The following PCDHA6 variants were observed in gnomAD, a reference collection of about 807,000 sequenced individuals.
PCDHA6 encodes the protein protocadherin alpha-6.
In PCDHA6, 55 loss-of-function variants were observed where a neutral mutation model predicts 60.3. The observed-to-expected ratio is 0.91, with a 90% CI of 0.73 to 1.14. The LOEUF (loss-of-function observed/expected upper bound fraction) is 1.14. Among genes scored for constraint, PCDHA6 ranks in the 50% most tolerant of loss-of-function variants. The pLI is 0.00. For synonymous variants in PCDHA6, 652 were observed against 557.9 expected, an observed-to-expected ratio of 1.17 and a Z score of -2.38; for missense variants, 1,327 against 1,256.5, an observed-to-expected ratio of 1.06 and a Z score of -0.85.
intron 1 of PCDHA6, chr5:140,877,683 C>T: frequency 6.2e-7 from 1 of 1,613,716 alleles, no homozygotes. Flanking sequence ...CGGGCAAGCC[C>T]ACGCTGGTGT....
intron 1 of PCDHA6, chr5:140,830,716 A>G (rs1437776192): frequency 8.4e-6 from 2 of 237,240 alleles, no homozygotes; most frequent in Non-Finnish European, 1.6e-5. Flanking sequence ...TTGTCTTCAA[A>G]CCAAAATATT....
Position 140,838,737 on chromosome 5 carries a change from A to G in PCDHA6, c.2394+8252A>G, listed in dbSNP as rs2150292002. The stretch of plus-strand genomic sequence containing the variant: ...GATTGCTTCAGTCTAGTAGTTTGAG[A>G]CCAGCTTGTGCATCTTTTGTAGAGA... On this transcript the variant is annotated intron_variant, in intron 1 of 3. Coordinates refer to ENST00000529310, the MANE Select transcript of PCDHA6 (RefSeq NM_018909.4). Among the ~76,000 whole-genome samples, 22 of 152,120 alleles carry G rather than the reference A, an allele frequency of 1.4e-4. 1 individual carries two copies. Among genetic ancestry groups the G allele is most frequent in the African/African-American group, 5.3e-4 (22 of 41,484 alleles).
At chr5:140,834,972 C>T (rs1275898995) in intron 1 of PCDHA6, 3 of 1,500,634 alleles carry the variant, frequency 2.0e-6, no homozygotes, top group East Asian at 4.8e-5. Context: ...ACTTGTATTA[C>T]GGAAACTTTT....
chr5:140,883,393 C>G, intron 1 of PCDHA6: 1 of 1,614,160 alleles, frequency 6.2e-7, no homozygotes, highest in South Asian at 1.1e-5. Context: ...TCAGTGTGTC[C>G]GATCGTGACT....
At chr5:140,883,138 A>G (rs967946520) in intron 1 of PCDHA6, 3 of 1,614,120 alleles carry the variant, frequency 1.9e-6, no homozygotes, top group Non-Finnish European at 2.5e-6. Flanking sequence ...CTGCAGTGGT[A>G]TATGCATTTA....
chr5:140,862,809 G>C (rs782185253), intron 1 of PCDHA6: 2 of 572,722 alleles, frequency 3.5e-6, no homozygotes, highest in South Asian at 1.4e-5. Context: ...AGCTGCTGCA[G>C]TTCTAGGTGA....
At chr5:140,951,407 A>C (rs115221257) in intron 1 of PCDHA6, among the ~76,000 whole-genome samples, 1 of 152,068 alleles carries the variant, frequency 6.6e-6, no homozygotes, top group Admixed American at 6.6e-5. Flanking sequence ...AAAGAGGTTT[A>C]ATTGGCTCAC....
At position 140,829,189 on chromosome 5, in the gene PCDHA6, T is replaced by C; in HGVS notation, c.1098T>C (p.Gly366=). 6.2e-7 allele frequency: 1 copy of C among 1,614,208 alleles called. No homozygotes were observed. Among genetic ancestry groups the C allele is most frequent in the Non-Finnish European group, 8.5e-7 (1 of 1,180,026 alleles). ...SLPVREDAQF[G]TVIALISVND... ...CTGTACGTGAAGACGCTCAATTTGG[T>C]ACTGTCATCGCCCTAATTAGCGTGA... The change falls in exon 1 of 4, where the codon GGT becomes GGC. Residue 366 remains glycine, a synonymous_variant. Coordinates refer to ENST00000529310, the MANE Select transcript of PCDHA6 (RefSeq NM_018909.4).
Position 141,010,415 on chromosome 5 carries a change from C to T in PCDHA6, c.*478C>T. ...ACGAGCCAGCTTAGACTAATTGGTA[C>T]AAGGAAGGCAAGAAAACAAAGACAA... On this transcript the variant is annotated 3_prime_UTR_variant, in exon 4 of 4. Transcript: ENST00000529310. 1 of 1,160,734 alleles carries T rather than the reference C, an allele frequency of 8.6e-7. No homozygotes were observed. 71.9% of individuals were successfully genotyped at this position (1,160,734 alleles called of 1,614,324 possible).
rs2150161875 is a variant in PCDHA6 at position 140,829,005 on chromosome 5, G to C, written c.914G>C (p.Arg305Pro). Residue 305 changes from arginine (R) to proline (P), a missense_variant, in exon 1 of 4, where the codon CGG (arginine) becomes CCG (proline). Physicochemically the swap from Arg to Pro is moderately radical, Grantham distance 103. Coordinates refer to ENST00000529310, the MANE Select transcript of PCDHA6 (RefSeq NM_018909.4). ...IDRNTGEIVI[R>P]GNLDFEQENL... ...CGAAATACGGGAGAAATAGTGATTC[G>C]GGGTAATTTGGATTTTGAACAAGAA... 5 of 1,613,588 alleles carry C rather than the reference G, an allele frequency of 3.1e-6. No homozygotes were observed. The highest frequency in any genetic ancestry group is 3.4e-6 in the Non-Finnish European group (4 of 1,179,734).
chr5:141,009,330 G>A (rs1355837607), intron 3 of PCDHA6, among the ~76,000 whole-genome samples: 2 of 152,192 alleles, frequency 1.3e-5, no homozygotes, highest in African/African-American at 2.4e-5. Context: ...ATGGGAGCTT[G>A]TGCCTGTAGT....
intron 1 of PCDHA6, among the ~76,000 whole-genome samples, chr5:140,901,699 A>G (rs1373176124): frequency 6.6e-6 from 1 of 152,124 alleles, no homozygotes; most frequent in East Asian, 1.9e-4. Context: ...TTGTAGTTCT[A>G]TATACATTTT....
At position 140,830,291 on chromosome 5, in the gene PCDHA6, G is replaced by A. The variant is rs1770969160; in HGVS notation, c.2200G>A (p.Ala734Thr). 1 of 1,613,746 alleles carries A rather than the reference G, an allele frequency of 6.2e-7. No individual in the cohort carries two copies. Residue 734 changes from alanine to threonine, a missense_variant, in exon 1 of 4, where the codon GCG becomes ACG. Coordinates refer to ENST00000529310, the MANE Select transcript of PCDHA6 (RefSeq NM_018909.4). Reference sequence around the variant, plus strand: ...GCCACCCACCGAGGGCGCGTGCACGGCGGACAAGCCCACGCTGGTGTGCTC... The same window carrying A: ...GCCACCCACCGAGGGCGCGTGCACGACGGACAAGCCCACGCTGGTGTGCTC... ...SAPPTEGACT[A>T]DKPTLVCSSA...
At chr5:140,967,768 T>C in intron 1 of PCDHA6, 4 of 1,614,182 alleles carry the variant, frequency 2.5e-6, no homozygotes, top group African/African-American at 1.3e-5. Flanking sequence ...ACCAGATCTA[T>C]GTGCAGGCGA....
At chr5:140,993,137 A>G (rs1336525759) in intron 3 of PCDHA6, among the ~76,000 whole-genome samples, 12 of 152,212 alleles carry the variant, frequency 7.9e-5, no homozygotes, top group African/African-American at 2.7e-4. Flanking sequence ...CTGTTGCAAC[A>G]AGTATAAATG....
At chr5:140,927,903 C>T in intron 1 of PCDHA6, 1 of 1,614,158 alleles carries the variant, frequency 6.2e-7, no homozygotes, top group South Asian at 1.1e-5. Flanking sequence ...ACGATCATGC[C>T]CCCGAACTGG....
At chr5:140,862,620 G>C in intron 1 of PCDHA6, 1 of 528,384 alleles carries the variant, frequency 1.9e-6, no homozygotes, top group Non-Finnish European at 3.8e-6. Context: ...GTAACAACCC[G>C]CGGGGCTGCC....
intron 1 of PCDHA6, chr5:140,848,602 C>A (rs140949600): frequency 8.2e-6 from 13 of 1,593,476 alleles, no homozygotes; most frequent in Non-Finnish European, 1.1e-5. Flanking sequence ...TACTCCGTCC[C>A]GGAGGAAGCC....
intron 1 of PCDHA6, chr5:140,882,698 G>C: frequency 1.2e-6 from 2 of 1,614,200 alleles, no homozygotes; most frequent in Non-Finnish European, 1.7e-6. Flanking sequence ...AATCATTGCA[G>C]AATCTAGACC....
Sources: gnomAD v4.1 joint callset for allele counts (sites outside exome capture counted in the v4.1 genomes callset) on GRCh38, gnomAD v4.1.1 for gene constraint, MANE v1.5 for transcripts, NCBI Gene and HGNC (gene_info 2026-07-23, HGNC 2026-07-21) for gene names.